The following ADORA2B variants were observed in gnomAD, a reference collection of about 807,000 sequenced individuals.
The protein encoded by ADORA2B is adenosine receptor A2b.
A neutral mutation model predicts 20.8 loss-of-function variants in ADORA2B; 18 were observed. The ratio of observed to expected loss-of-function variants is 0.87; its 90% CI spans 0.60 to 1.29. ADORA2B has a LOEUF of 1.29. Ranked by LOEUF, ADORA2B falls within the 50% of genes most tolerant of loss-of-function variation. The probability of loss-of-function intolerance (pLI) is 0.00; values close to 1 mark genes in which losing one functional copy is unlikely to be tolerated. For synonymous variants in ADORA2B, 179 were observed against 178.3 expected, an observed-to-expected ratio of 1.00 and a Z score of -0.03; for missense variants, 441 against 422.7, an observed-to-expected ratio of 1.04 and a Z score of -0.38.
chr17:15,852,142 A>G, the ADORA2B span, among the ~76,000 whole-genome samples: 2 of 152,188 alleles, frequency 1.3e-5, no homozygotes, highest in South Asian at 2.1e-4. Context: ...GCTTTTTTAT[A>G]TGTAATGCTA....
At chr17:15,959,882 T>G (rs1292743251) in intron 1 of ADORA2B, among the ~76,000 whole-genome samples, 1 of 152,254 alleles carries the variant, frequency 6.6e-6, no homozygotes, top group African/African-American at 2.4e-5. Flanking sequence ...AGTTGTTCTT[T>G]TTTAAAAAAT....
chr17:15,942,782 C>T (rs773704730), upstream of ADORA2B, among the ~76,000 whole-genome samples: 5 of 152,232 alleles, frequency 3.3e-5, no homozygotes, highest in Non-Finnish European at 7.3e-5. Context: ...CAGGATGGCC[C>T]AGCTCTCCAG....
At position 15,948,607 on chromosome 17, in the gene ADORA2B, T is replaced by A. The variant is rs757623; in HGVS notation, c.335+3024T>A. Among the ~76,000 whole-genome samples the A allele has an allele frequency of 7.5e-4, 114 of 152,200 alleles. No individual in the cohort carries two copies. The East Asian group carries it at 8.8e-3, about 12-fold the overall frequency. ...ACCCACTGTGGGGGTCTTCGCTGCT[T>A]GTAGACCCAGTTTCCCTGGCCCTGT... is the stretch of plus-strand genomic sequence containing the variant. On this transcript the variant is annotated intron_variant, in intron 1 of 1. Transcript: ENST00000304222.
chr17:15,892,517 A>G, the ADORA2B span, among the ~76,000 whole-genome samples: 1 of 151,976 alleles, frequency 6.6e-6, no homozygotes, highest in Admixed American at 6.6e-5. Context: ...TCTGACCTCA[A>G]GTGATCCGAC....
the ADORA2B span, among the ~76,000 whole-genome samples, chr17:15,901,705 G>A: frequency 6.6e-6 from 1 of 152,102 alleles, no homozygotes; most frequent in African/African-American, 2.4e-5. Flanking sequence ...CAACCATGGT[G>A]ACAGTTGTGT....
the ADORA2B span, among the ~76,000 whole-genome samples, chr17:15,872,445 A>T: frequency 6.6e-6 from 1 of 152,116 alleles, no homozygotes; most frequent in African/African-American, 2.4e-5. Context: ...ATTCTGTGAA[A>T]AATGATGGTA....
chr17:15,904,512 C>G, the ADORA2B span, among the ~76,000 whole-genome samples: 2 of 151,644 alleles, frequency 1.3e-5, no homozygotes, highest in Non-Finnish European at 2.9e-5. Context: ...CTCAGCCTCC[C>G]GGGTAACTGG....
the ADORA2B span, among the ~76,000 whole-genome samples, chr17:15,899,808 G>T: frequency 6.6e-6 from 1 of 151,702 alleles, no homozygotes; most frequent in Non-Finnish European, 1.5e-5. Flanking sequence ...GTATTCCATG[G>T]TGTTTATATG....
chr17:15,954,595 T>A (rs1969943977), intron 1 of ADORA2B, among the ~76,000 whole-genome samples: 2 of 152,164 alleles, frequency 1.3e-5, no homozygotes, highest in Admixed American at 6.5e-5. Flanking sequence ...CTTTCTGGGT[T>A]CTTATATGTC....
the ADORA2B span, among the ~76,000 whole-genome samples, chr17:15,887,593 G>A: frequency 2.3e-5 from 3 of 128,798 alleles, 1 homozygote; most frequent in African/African-American, 3.3e-5. Context: ...CCTGCAGCTC[G>A]TGTTTCAGAG....
chr17:15,873,621 G>A, the ADORA2B span, among the ~76,000 whole-genome samples: 2 of 152,186 alleles, frequency 1.3e-5, no homozygotes, highest in South Asian at 2.1e-4. Flanking sequence ...TATACAAATG[G>A]CCAAGAAACA....
the ADORA2B span, among the ~76,000 whole-genome samples, chr17:15,918,300 C>T: frequency 1.3e-5 from 2 of 152,148 alleles, no homozygotes; most frequent in Non-Finnish European, 2.9e-5. Flanking sequence ...GGCACACAAA[C>T]ATTCAGTGCA....
At chr17:15,867,964 A>G in the ADORA2B span, among the ~76,000 whole-genome samples, 2 of 151,392 alleles carry the variant, frequency 1.3e-5, no homozygotes, top group African/African-American at 2.4e-5. Flanking sequence ...GAGAAATCGG[A>G]TGGTTGCCGT....
the ADORA2B span, among the ~76,000 whole-genome samples, chr17:15,905,334 C>G: frequency 2.6e-5 from 4 of 151,752 alleles, no homozygotes; most frequent in Non-Finnish European, 5.9e-5. Flanking sequence ...ATCACAAAAT[C>G]CAATTGTTCA....
At chr17:15,923,734 T>C in the ADORA2B span, among the ~76,000 whole-genome samples, 158 of 152,182 alleles carry the variant, frequency 1.0e-3, 1 homozygote, top group African/African-American at 3.7e-3. Context: ...AGTGAGTGTT[T>C]GGAAACCTCA....
At chr17:15,883,216 T>C in the ADORA2B span, among the ~76,000 whole-genome samples, 1 of 152,238 alleles carries the variant, frequency 6.6e-6, no homozygotes, top group South Asian at 2.1e-4. Context: ...ACTAATTCTT[T>C]AATTATTACA....
chr17:15,881,242 C>T, the ADORA2B span, among the ~76,000 whole-genome samples: 13 of 152,270 alleles, frequency 8.5e-5, no homozygotes, highest in South Asian at 8.3e-4. Flanking sequence ...GCTGGGACTA[C>T]GGGCGTGCAC....
the ADORA2B span, among the ~76,000 whole-genome samples, chr17:15,933,018 C>T: frequency 6.7e-6 from 1 of 149,112 alleles, no homozygotes. Context: ...TGCAGTGGCA[C>T]CATCTCGGCT....
At chr17:15,881,366 G>T in the ADORA2B span, among the ~76,000 whole-genome samples, 1 of 152,226 alleles carries the variant, frequency 6.6e-6, no homozygotes, top group Non-Finnish European at 1.5e-5. Flanking sequence ...CTCCCGAAGT[G>T]CTGGGATTAC....
Sources: allele counts gnomAD v4.1 joint callset (sites outside exome capture counted in the v4.1 genomes callset), GRCh38; gene constraint gnomAD v4.1.1; transcripts MANE v1.5; gene names NCBI Gene and HGNC (gene_info 2026-07-23, HGNC 2026-07-21).